The following PRDM2 variants were observed in gnomAD, a reference collection of about 807,000 sequenced individuals.
PRDM2 encodes PR domain zinc finger protein 2.
In PRDM2, 30 loss-of-function variants were observed where a neutral mutation model predicts 130.0. The ratio of observed to expected loss-of-function variants is 0.23; its 90% CI spans 0.17 to 0.31. The LOEUF (loss-of-function observed/expected upper bound fraction) is 0.31, where lower values mean the gene tolerates loss of function less well. Among genes scored for constraint, PRDM2 ranks in the 10% least tolerant of loss-of-function variants. The pLI is 1.00. For synonymous variants in PRDM2, 871 were observed against 782.4 expected (o/e 1.11, Z -1.89); for missense variants, 2,011 against 2,108.4 (o/e 0.95, Z 0.90).
chr1:13,743,701 T>C (rs989214867), intron 5 of PRDM2, among the ~76,000 whole-genome samples: 5 of 152,234 alleles, frequency 3.3e-5, no homozygotes, highest in Non-Finnish European at 7.3e-5. Flanking sequence ...GTAGGCCTTC[T>C]GAAGTTTAGT....
rs1472033894 is a variant in PRDM2 at position 13,778,934 on chromosome 1, A to G, written c.1139A>G (p.His380Arg). Reference sequence around the variant, plus strand: ...AAACAGGGGCTTGAGCGTCACATGCATATCCATATATCCACCGTCAATCAT... The same window carrying G: ...AAACAGGGGCTTGAGCGTCACATGCGTATCCATATATCCACCGTCAATCAT... ...TTKQGLERHM[H>R]IHISTVNHAF... The change falls in exon 8 of 10, where the codon CAT becomes CGT. Residue 380 changes from histidine (H) to arginine (R), a missense_variant. Transcript: ENST00000311066. The G allele has an allele frequency of 1.2e-6, 2 of 1,614,244 alleles. No homozygotes were observed. Among genetic ancestry groups the G allele is most frequent in the Non-Finnish European group, 1.7e-6 (2 of 1,180,050 alleles).
Position 13,779,203 on chromosome 1 carries a change from T to C in PRDM2, c.1408T>C (p.Ser470Pro), listed in dbSNP as rs1187201467. Residue 470 changes from serine (S) to proline (P), a missense_variant, in exon 8 of 10, where the codon TCT becomes CCT. Coordinates refer to ENST00000311066, the MANE Select transcript of PRDM2 (RefSeq NM_001393986.1). The surrounding 1 kb of genome is among the most constrained non-coding windows in gnomAD (Gnocchi z 4.9). ...SEKASQDTIN[S>P]SVVEENGEVK... ...GAAGGCTTCCCAAGACACAATAAAT[T>C]CTTCTGTCGTAGAAGAGAATGGGGA... is the stretch of plus-strand genomic sequence containing the variant. 1.1e-5 allele frequency: 17 copies of C among 1,614,020 alleles called. No homozygotes were observed. Among genetic ancestry groups the C allele is most frequent in the Middle Eastern group, 3.3e-4 (2 of 6,084 alleles).
chr1:13,701,086 C>T lies in PRDM2; in HGVS notation c.-66+786C>T, dbSNP rs548833099. ...TAGCTTTGTGTCGGGCTGTGAGCTG[C>T]GGCAAAGACCCCATAGTTAACCGGG... On this transcript the variant is annotated intron_variant, in intron 1 of 9. Coordinates refer to ENST00000311066, the MANE Select transcript of PRDM2 (RefSeq NM_001393986.1). 2.0e-5 allele frequency among the ~76,000 whole-genome samples: 3 copies of T among 152,274 alleles called. No individual in the cohort carries two copies. The East Asian group carries it at 5.8e-4, about 29-fold the overall frequency.
Position 13,823,540 on chromosome 1 carries a change from T to C in PRDM2, c.*405T>C, listed in dbSNP as rs1458145411. ...TTGTCTTTTGCCATTATGGGGACTT[T>C]GGTTTGACCCAGGGGTCAGCCTTAG... On this transcript the variant is annotated 3_prime_UTR_variant, in exon 10 of 10. Coordinates refer to ENST00000311066, the MANE Select transcript of PRDM2 (RefSeq NM_001393986.1). 7.7e-6 allele frequency: 2 copies of C among 259,618 alleles called. No homozygotes were observed. The highest frequency in any genetic ancestry group is 5.7e-5 in the South Asian group (1 of 17,598). 16.1% of individuals were successfully genotyped at this position (259,618 alleles called of 1,614,324 possible).
At chr1:13,788,646 A>T (rs911055427) in intron 8 of PRDM2, among the ~76,000 whole-genome samples, 7 of 152,186 alleles carry the variant, frequency 4.6e-5, no homozygotes, top group African/African-American at 1.7e-4. Context: ...CCTTAGAAAA[A>T]CACGGAGGAG....
chr1:13,812,239 G>A (rs1003815708), intron 8 of PRDM2, among the ~76,000 whole-genome samples: 4 of 152,204 alleles, frequency 2.6e-5, no homozygotes, highest in African/African-American at 7.2e-5. Flanking sequence ...CACAGGTTGT[G>A]CTGGGTGGTG....
rs556173858 is a variant in PRDM2, at chr1:13,771,453, C to T, written c.512-1625C>T. On this transcript the variant is annotated intron_variant, in intron 6 of 9. Transcript: ENST00000311066. The surrounding 1 kb of genome is among the most constrained non-coding windows in gnomAD (Gnocchi z 4.1). ...GGGCTGAAGAATTAGGTATGTAGGC[C>T]GGGCACGGTGGCTCATGCCTGTAAT... is the stretch of plus-strand genomic sequence containing the variant. Among the ~76,000 whole-genome samples, 206 of 152,314 alleles carry T rather than the reference C, an allele frequency of 1.4e-3. 3 individuals are homozygous for T. The South Asian group carries it at 0.036, about 27-fold the overall frequency.
At chr1:13,760,382 G>T (rs1184440124) in intron 6 of PRDM2, among the ~76,000 whole-genome samples, 12 of 151,886 alleles carry the variant, frequency 7.9e-5, no homozygotes, top group Non-Finnish European at 1.8e-4. Context: ...GGAATATACT[G>T]CTTGGGCTTC....
At position 13,824,854 on chromosome 1, in the gene PRDM2, A is replaced by G. The variant is rs1359313158; in HGVS notation, c.*1719A>G. On this transcript the variant is annotated 3_prime_UTR_variant, in exon 10 of 10. Coordinates refer to ENST00000311066, the MANE Select transcript of PRDM2 (RefSeq NM_001393986.1). ...CTGCAGCCCATGGTGAGCTCTGGGAAGTGTGGTTGAGGCCTTGGGGTCACT... is the reference window on the plus strand; with the variant it reads ...CTGCAGCCCATGGTGAGCTCTGGGAGGTGTGGTTGAGGCCTTGGGGTCACT... 2 of 152,608 alleles carry G rather than the reference A, an allele frequency of 1.3e-5. No individual in the cohort carries two copies. The highest frequency in any genetic ancestry group is 4.8e-5 in the African/African-American group (2 of 41,448). The allele number at this position is 152,608 out of a possible 1,614,324, so 9.5% of individuals were successfully genotyped here.
At chr1:13,821,161 G>A (rs1398061134) in intron 9 of PRDM2, among the ~76,000 whole-genome samples, 2 of 135,660 alleles carry the variant, frequency 1.5e-5, no homozygotes, top group Non-Finnish European at 3.1e-5. Context: ...CTGCGAAATG[G>A]GTTAATAATA....
chr1:13,771,184 C>CTTA lies in PRDM2; in HGVS notation c.512-1893_512-1891dup, dbSNP rs1417239465. 2.6e-5 allele frequency among the ~76,000 whole-genome samples: 4 copies of CTTA among 152,268 alleles called. No individual in the cohort carries two copies. The East Asian group carries it at 7.7e-4, about 29-fold the overall frequency. On this transcript the variant is annotated intron_variant, in intron 6 of 9. Coordinates refer to ENST00000311066, the MANE Select transcript of PRDM2 (RefSeq NM_001393986.1). This position sits in a 1 kb window ranked among gnomAD's most constrained non-coding sequence, Gnocchi z 4.1. ...AGGACGTTATGCCTGTGGAAAGGTGCTTAGATGTTTGTGCCCCTTATGGAG... is the reference window on the plus strand; with the variant it reads ...AGGACGTTATGCCTGTGGAAAGGTGCTTATTAGATGTTTGTGCCCCTTATGGAG...
At chr1:13,715,165 A>ACACAGTATTGGT (rs1553153493) in intron 1 of PRDM2, among the ~76,000 whole-genome samples, 1 of 152,246 alleles carries the variant, frequency 6.6e-6, no homozygotes, top group Non-Finnish European at 1.5e-5. Flanking sequence ...TTTACGTACA[A>ACACAGTATTGGT]CACAGTATTG....
In PRDM2 at chr1:13,780,823, C is replaced by G; in HGVS notation, c.3028C>G (p.Pro1010Ala). Reference protein sequence around the residue: ...SSASPHPCPSPLSNATAQSPL... With the variant: ...SSASPHPCPSALSNATAQSPL... Reference sequence around the variant, plus strand: ...TGCATCTCCACACCCATGCCCCTCTCCACTCTCAAATGCCACCGCACAGTC... The same window carrying G: ...TGCATCTCCACACCCATGCCCCTCTGCACTCTCAAATGCCACCGCACAGTC... The change falls in exon 8 of 10, where the codon CCA becomes GCA. Residue 1010 changes from proline to alanine, a missense_variant. Coordinates refer to ENST00000311066, the MANE Select transcript of PRDM2 (RefSeq NM_001393986.1). 6.2e-7 allele frequency: 1 copy of G among 1,603,442 alleles called. No homozygotes were observed. The highest frequency in any genetic ancestry group is 1.1e-5 in the South Asian group (1 of 90,164).
At chr1:13,802,863 C>A (rs891978438) in intron 8 of PRDM2, among the ~76,000 whole-genome samples, 1 of 152,186 alleles carries the variant, frequency 6.6e-6, no homozygotes, top group African/African-American at 2.4e-5. Context: ...TTCAGCTCCA[C>A]AGGAGAGGAA....
intron 1 of PRDM2, among the ~76,000 whole-genome samples, chr1:13,713,715 C>T (rs1035927945): frequency 7.9e-5 from 12 of 152,116 alleles, no homozygotes; most frequent in East Asian, 3.9e-4. Flanking sequence ...TCAGAGGACA[C>T]GTGAAACCCC....
chr1:13,772,135 AAGG>A (rs1181976102), intron 6 of PRDM2: 4 of 152,260 alleles, frequency 2.6e-5, no homozygotes, highest in African/African-American at 4.8e-5. Context: ...AGCGGAGAAA[AAGG>A]AGGATTGTTA....
At chr1:13,790,819 T>C (rs1644826893) in intron 8 of PRDM2, among the ~76,000 whole-genome samples, 1 of 152,104 alleles carries the variant, frequency 6.6e-6, no homozygotes, top group Admixed American at 6.6e-5. Context: ...CAGGGTCATG[T>C]CACTTCCTCC....
intron 2 of PRDM2, among the ~76,000 whole-genome samples, chr1:13,729,469 C>CT (rs1481840359): frequency 6.6e-6 from 1 of 152,148 alleles, no homozygotes; most frequent in African/African-American, 2.4e-5. Flanking sequence ...CATTATGTAG[C>CT]TTAGGATGCC....
At chr1:13,818,826 G>T (rs1215651936) in intron 9 of PRDM2, among the ~76,000 whole-genome samples, 1 of 152,098 alleles carries the variant, frequency 6.6e-6, no homozygotes, top group Non-Finnish European at 1.5e-5. Flanking sequence ...GTCTCTCTGG[G>T]GCCGGCTGCT....
Sources: gnomAD v4.1 joint callset for allele counts (sites outside exome capture counted in the v4.1 genomes callset) on GRCh38, gnomAD v4.1.1 for gene constraint, Gnocchi (gnomAD v3.1) non-coding constraint, MANE v1.5 for transcripts, NCBI Gene and HGNC (gene_info 2026-07-23, HGNC 2026-07-21) for gene names.